The following SPECC1 variants were observed in gnomAD, a reference collection of about 807,000 sequenced individuals.
SPECC1 encodes the protein sperm antigen with calponin homology and coiled-coil domains 1.
Under a neutral mutation model 104.1 loss-of-function variants are expected in SPECC1, and 62 were observed. The observed-to-expected ratio is 0.60, with a 90% CI of 0.49 to 0.74. The LOEUF is 0.74. SPECC1 is among the 30% of genes least tolerant of loss of function. SPECC1 has a pLI of 0.00. For synonymous variants in SPECC1, 513 were observed against 501.6 expected (o/e 1.02, Z -0.30); for missense variants, 1,306 against 1,310.5 (o/e 1.00, Z 0.05).
At chr17:20,102,431 G>A (rs1194156188) in intron 2 of SPECC1, among the ~76,000 whole-genome samples, 1 of 152,206 alleles carries the variant, frequency 6.6e-6, no homozygotes, top group African/African-American at 2.4e-5. Flanking sequence ...TGGGAGGGAG[G>A]TGGCACAGCA....
intron 7 of SPECC1, among the ~76,000 whole-genome samples, chr17:20,243,377 C>T (rs980621256): frequency 6.6e-6 from 1 of 152,120 alleles, no homozygotes; most frequent in African/African-American, 2.4e-5. Context: ...AAATGTAAGA[C>T]TTCATTTATG....
At chr17:20,223,207 G>C (rs143299297) in intron 4 of SPECC1, among the ~76,000 whole-genome samples, 109 of 151,632 alleles carry the variant, frequency 7.2e-4, no homozygotes, top group African/African-American at 2.6e-3. Context: ...TGTAGATCTT[G>C]TATGTGTGCT....
intron 12 of SPECC1, among the ~76,000 whole-genome samples, chr17:20,277,513 CT>C (rs2040611877): frequency 6.6e-6 from 1 of 152,110 alleles, no homozygotes; most frequent in South Asian, 2.1e-4. Context: ...GGGGTGTGGT[CT>C]GTCCCTTTAG....
intron 9 of SPECC1, among the ~76,000 whole-genome samples, chr17:20,253,052 TTGA>T (rs1169290171): frequency 2.0e-5 from 3 of 152,076 alleles, no homozygotes; most frequent in Non-Finnish European, 4.4e-5. Context: ...TTTTTTTTTT[TTGA>T]TGATGGTCTT....
chr17:20,294,217 G>A lies in SPECC1; in HGVS notation c.2941-2744G>A, dbSNP rs192649185. 5.9e-3 allele frequency among the ~76,000 whole-genome samples: 905 copies of A among 152,288 alleles called. 3 individuals are homozygous for A. The highest frequency in any genetic ancestry group is 0.024 in the Middle Eastern group (7 of 294). On this transcript the variant is annotated intron_variant, in intron 12 of 14. Transcript: ENST00000395527. ...AGCTGGTCTCAAACTCTTGACCTCA[G>A]GTGATCCACTTGCCTCGGCCTTCCA...
chr17:20,239,372 ATATG>A (rs778327195), intron 7 of SPECC1: 68 of 749,356 alleles, frequency 9.1e-5, no homozygotes, highest in Non-Finnish European at 1.1e-4. Flanking sequence ...TTACTCATGA[ATATG>A]TATAGGGTTC....
chr17:20,113,131 G>A, intron 3 of SPECC1: 1 of 639,580 alleles, frequency 1.6e-6, no homozygotes, highest in Non-Finnish European at 2.8e-6. Flanking sequence ...CTTGTTCTCA[G>A]TGGTGCATAA....
intron 1 of SPECC1, among the ~76,000 whole-genome samples, chr17:20,071,354 G>A (rs1316698555): frequency 6.7e-6 from 1 of 150,140 alleles, no homozygotes; most frequent in Admixed American, 6.8e-5. Context: ...TTACTATCTG[G>A]TAGTACAAGT....
chr17:20,190,702 T>C (rs2035614152), intron 3 of SPECC1, among the ~76,000 whole-genome samples: 1 of 152,146 alleles, frequency 6.6e-6, no homozygotes, highest in South Asian at 2.1e-4. Flanking sequence ...TGGATAAATG[T>C]ATAATGCCAT....
chr17:20,282,151 T>C (rs1447234303), intron 12 of SPECC1, among the ~76,000 whole-genome samples: 1 of 152,160 alleles, frequency 6.6e-6, no homozygotes. Flanking sequence ...ACGCCGTGGG[T>C]GGGGACTTCT....
chr17:20,047,026 G>A (rs1013937588), intron 1 of SPECC1, among the ~76,000 whole-genome samples: 1 of 152,156 alleles, frequency 6.6e-6, no homozygotes, highest in African/African-American at 2.4e-5. Flanking sequence ...GGCGAGAGAT[G>A]TTGGTAGATG....
intron 12 of SPECC1, among the ~76,000 whole-genome samples, chr17:20,271,951 T>C (rs79610501): frequency 0.015 from 2,352 of 152,302 alleles, 32 homozygotes; most frequent in Non-Finnish European, 0.023. Context: ...TGTCTTCTAT[T>C]TGCCAGTGTT....
At chr17:20,197,516 C>A (rs560893969) in intron 3 of SPECC1, among the ~76,000 whole-genome samples, 1 of 152,194 alleles carries the variant, frequency 6.6e-6, no homozygotes, top group East Asian at 1.9e-4. Flanking sequence ...GTCTCTGTTT[C>A]CTTTCCTAGA....
At chr17:20,231,489 G>C (rs1473653968) in intron 5 of SPECC1, among the ~76,000 whole-genome samples, 2 of 152,132 alleles carry the variant, frequency 1.3e-5, no homozygotes, top group African/African-American at 2.4e-5. Context: ...CTGCTATTTG[G>C]TTGTGCATTC....
In SPECC1 at chr17:20,205,277, G is replaced by T; in HGVS notation, c.1228G>T (p.Ala410Ser). ...GCAACAAATGGTACAGGAATTGACA[G>T]CTGAAAATGAGAAGCTGGTGGATGA... is the stretch of plus-strand genomic sequence containing the variant. Reference protein sequence around the residue: ...DQQQMVQELTAENEKLVDEKT... With the variant: ...DQQQMVQELTSENEKLVDEKT... The change falls in exon 4 of 15, where the codon GCT becomes TCT. Residue 410 changes from alanine to serine, a missense_variant. Transcript: ENST00000395527. The T allele has an allele frequency of 1.2e-6, 2 of 1,614,136 alleles. No individual in the cohort carries two copies. The highest frequency in any genetic ancestry group is 1.7e-6 in the Non-Finnish European group (2 of 1,179,982).
At chr17:20,156,362 G>A in intron 3 of SPECC1, 1 of 1,083,750 alleles carries the variant, frequency 9.2e-7, no homozygotes, top group Non-Finnish European at 1.2e-6. Flanking sequence ...CCTGGGGTGT[G>A]ATTCTTGTCG....
rs768715991 is a variant in SPECC1 at position 20,257,545 on chromosome 17, C to G, written c.2775C>G (p.Gly925=). The G allele has an allele frequency of 1.9e-6, 3 of 1,613,596 alleles. No individual in the cohort carries two copies. The highest frequency in any genetic ancestry group is 4.5e-5 in the East Asian group (2 of 44,844). ...CACTGAGCAGACCCCCGTCTCTGGG[C>G]TTTGGGGACACAAGACTGCTGAGTG... ...LESLSRPPSL[G]FGDTRLLSAS... Residue 925 remains glycine, a synonymous_variant, in exon 11 of 15, where the codon GGC becomes GGG. Coordinates refer to ENST00000395527, the MANE Select transcript of SPECC1 (RefSeq NM_001243439.2).
rs376296174 is a variant in SPECC1, at chr17:20,212,748, C to T, written c.1863+6836C>T. On this transcript the variant is annotated intron_variant, in intron 4 of 14. Transcript: ENST00000395527. Reference sequence around the variant, plus strand: ...TATATGTAATTTTAGCATTGCAATTCCTTCCATCTATTAGGTGTTCAGTAA... The same window carrying T: ...TATATGTAATTTTAGCATTGCAATTTCTTCCATCTATTAGGTGTTCAGTAA... Among the ~76,000 whole-genome samples the T allele has an allele frequency of 2.0e-4, 31 of 152,258 alleles. No individual in the cohort carries two copies. The East Asian group carries it at 5.0e-3, about 25-fold the overall frequency.
chr17:20,110,610 G>T, intron 3 of SPECC1, 48 bp downstream of exon 3: 6 of 1,549,836 alleles, frequency 3.9e-6, no homozygotes, highest in East Asian at 2.3e-5. Flanking sequence ...AGTCCTGGCC[G>T]CATGGAAGCA....
Sources: gnomAD v4.1 joint callset for allele counts (sites outside exome capture counted in the v4.1 genomes callset) on GRCh38, gnomAD v4.1.1 for gene constraint, MANE v1.5 for transcripts, NCBI Gene and HGNC (gene_info 2026-07-23, HGNC 2026-07-21) for gene names.